The following ENTPD3 variants were observed in gnomAD, a reference collection of about 807,000 sequenced individuals.
ENTPD3 encodes CD39 antigen-like 3.
Under a neutral mutation model 51.2 loss-of-function variants are expected in ENTPD3, and 60 were observed. The ratio of observed to expected loss-of-function variants is 1.17; its 90% confidence interval spans 0.95 to 1.45. The LOEUF (loss-of-function observed/expected upper bound fraction) is 1.45. ENTPD3 is among the 40% of genes most tolerant of loss of function. The pLI, the probability that ENTPD3 is intolerant of heterozygous loss-of-function variation, is 0.00. For missense variants in ENTPD3, 593 were observed against 641.1 expected (o/e 0.93, Z 0.81); for synonymous variants, 221 against 238.4 (o/e 0.93, Z 0.67).
At position 40,391,747 on chromosome 3, in the gene ENTPD3, C is replaced by A; in HGVS notation, c.41-276C>A. Reference sequence around the variant, plus strand: ...TATTGTAATTCATCTCAGGGATAACCAAAATATCAGAAAACTAGACCATGC... The same window carrying A: ...TATTGTAATTCATCTCAGGGATAACAAAAATATCAGAAAACTAGACCATGC... On this transcript the variant is annotated intron_variant, in intron 2 of 10. Coordinates refer to ENST00000301825, the MANE Select transcript of ENTPD3 (RefSeq NM_001248.4). 4 of 457,604 alleles carry A rather than the reference C, an allele frequency of 8.7e-6. No individual in the cohort carries two copies. In the South Asian group the frequency reaches 1.2e-4, roughly 13 times the overall value. 28.3% of individuals were successfully genotyped at this position (457,604 alleles called of 1,614,324 possible).
chr3:40,405,714 A>G (rs1955477457), intron 4 of ENTPD3, among the ~76,000 whole-genome samples: 1 of 152,176 alleles, frequency 6.6e-6, no homozygotes, highest in East Asian at 1.9e-4. Flanking sequence ...TTTTCCCTCT[A>G]GAAGGCTTAA....
At chr3:40,424,005 G>C (rs766100028) in intron 10 of ENTPD3, 42 bp downstream of exon 10, 15 of 1,613,342 alleles carry the variant, frequency 9.3e-6, no homozygotes, top group Non-Finnish European at 1.3e-5. Context: ...CTTCCCAACA[G>C]AGAGGTTTGT....
At chr3:40,392,659 A>T (rs1181500403) in intron 3 of ENTPD3, 1 of 153,246 alleles carries the variant, frequency 6.5e-6, no homozygotes, top group Non-Finnish European at 1.5e-5. Flanking sequence ...AACCCTGATA[A>T]TGAGTAAAGA....
chr3:40,400,935 C>T lies in ENTPD3; in HGVS notation c.210C>T (p.Val70=). The T allele has an allele frequency of 6.2e-7, 1 of 1,613,768 alleles. No individual in the cohort carries two copies. The change falls in exon 4 of 11, where the codon GTC becomes GTT. Residue 70 remains valine (V), a synonymous_variant. Coordinates refer to ENST00000301825, the MANE Select transcript of ENTPD3 (RefSeq NM_001248.4). ...VLDAGSSRTT[V]YVYQWPAEKE... ...ATGCCGGGTCTTCAAGAACCACAGT[C>T]TACGTGTATCAATGGCCAGCAGAAA...
At chr3:40,404,900 C>T (rs1471558849) in intron 4 of ENTPD3, among the ~76,000 whole-genome samples, 1 of 152,184 alleles carries the variant, frequency 6.6e-6, no homozygotes, top group Admixed American at 6.5e-5. Flanking sequence ...TGGTTGGTAT[C>T]AACCCCCAGT....
chr3:40,422,923 A>G lies in ENTPD3; in HGVS notation c.905A>G (p.His302Arg), dbSNP rs113928262. The change falls in exon 8 of 11, where the codon CAT becomes CGT. Residue 302 changes from histidine (H) to arginine (R), a missense_variant. His to Arg is a conservative substitution (Grantham distance 29). Coordinates refer to ENST00000301825, the MANE Select transcript of ENTPD3 (RefSeq NM_001248.4). The stretch of plus-strand genomic sequence containing the variant: ...TATAGCATCAGCTTCACCATGGGCC[A>G]TGTATTTGATAGCCTGTGCACTGTG... ...RDYSISFTMGHVFDSLCTVDQ... is the reference protein window; with the variant it reads ...RDYSISFTMGRVFDSLCTVDQ... 2.5e-6 allele frequency: 4 copies of G among 1,614,072 alleles called. No homozygotes were observed. The highest frequency in any genetic ancestry group is 2.5e-6 in the Non-Finnish European group (3 of 1,179,994).
At chr3:40,391,876 A>G (rs1440848500) in intron 2 of ENTPD3, 147 bp from the exon 3 acceptor site, 2 of 862,576 alleles carry the variant, frequency 2.3e-6, no homozygotes, top group African/African-American at 3.4e-5. Context: ...CTTATTTGCT[A>G]CTCCATCTTA....
chr3:40,427,387 C>A lies in ENTPD3; in HGVS notation c.1469C>A (p.Thr490Asn). The A allele has an allele frequency of 6.2e-7, 1 of 1,613,968 alleles. No individual in the cohort carries two copies. The highest frequency in any genetic ancestry group is 8.5e-7 in the Non-Finnish European group (1 of 1,180,014). ...LPIEPPVFVG[T>N]LAFFTAAALL... The stretch of plus-strand genomic sequence containing the variant: ...ATAGAACCACCTGTCTTTGTGGGCA[C>A]CCTCGCTTTCTTCACAGCGGCAGCC... The change falls in exon 11 of 11, where the codon ACC becomes AAC. Residue 490 changes from threonine (T) to asparagine (N), a missense_variant. Thr to Asn is a moderately conservative substitution (Grantham distance 65). Coordinates refer to ENST00000301825, the MANE Select transcript of ENTPD3 (RefSeq NM_001248.4).
At chr3:40,413,161 T>C (rs1228852150) in intron 5 of ENTPD3, among the ~76,000 whole-genome samples, 1 of 152,238 alleles carries the variant, frequency 6.6e-6, no homozygotes, top group Non-Finnish European at 1.5e-5. Context: ...AAAAGCCAGC[T>C]GCAGGATGTG....
chr3:40,423,742 C>T, intron 9 of ENTPD3, 84 bp from the exon 10 acceptor site: 1 of 1,479,488 alleles, frequency 6.8e-7, no homozygotes, highest in South Asian at 1.2e-5. Flanking sequence ...TGATAAGATT[C>T]TTTAAAACAT....
chr3:40,397,119 C>CTTTTTTTCTTT (rs1955222350), intron 3 of ENTPD3, among the ~76,000 whole-genome samples: 1 of 101,244 alleles, frequency 9.9e-6, no homozygotes, highest in Non-Finnish European at 1.8e-5. Flanking sequence ...TAATTAGTTT[C>CTTTTTTTCTTT]TTTTTTTTTT....
At chr3:40,424,212 A>T (rs1234990373) in intron 10 of ENTPD3, 2 of 970,880 alleles carry the variant, frequency 2.1e-6, no homozygotes, top group African/African-American at 1.8e-5. Flanking sequence ...CCTGGAGGGC[A>T]GAGACCTGTC....
At position 40,428,596 on chromosome 3, in the gene ENTPD3, T is replaced by C. The variant is rs952870521; in HGVS notation, c.*1088T>C. 1 of 152,216 alleles carries C rather than the reference T, an allele frequency of 6.6e-6. No individual in the cohort carries two copies. The highest frequency in any genetic ancestry group is 2.1e-4 in the South Asian group (1 of 4,830). 9.4% of individuals were successfully genotyped at this position (152,216 alleles called of 1,614,324 possible). ...TGCTGTTTCTTAGCTGAATATGGAA[T>C]AAAGAACTATTATTTTATTTTGACT... On this transcript the variant is annotated 3_prime_UTR_variant, in exon 11 of 11. Coordinates refer to ENST00000301825, the MANE Select transcript of ENTPD3 (RefSeq NM_001248.4).
intron 4 of ENTPD3, among the ~76,000 whole-genome samples, chr3:40,402,251 C>T (rs757146303): frequency 4.0e-5 from 6 of 150,376 alleles, no homozygotes; most frequent in Non-Finnish European, 7.4e-5. Context: ...CCCAAGTAGC[C>T]GGGATTACAG....
At chr3:40,398,977 T>C (rs1296954496) in intron 3 of ENTPD3, among the ~76,000 whole-genome samples, 1 of 152,060 alleles carries the variant, frequency 6.6e-6, no homozygotes, top group East Asian at 1.9e-4. Context: ...CCAGCAGCAT[T>C]TTGGGAGGCG....
intron 3 of ENTPD3, among the ~76,000 whole-genome samples, chr3:40,396,179 T>C (rs973271668): frequency 6.6e-6 from 1 of 152,078 alleles, no homozygotes; most frequent in Non-Finnish European, 1.5e-5. Flanking sequence ...TTCTGCTTAA[T>C]TGGGTGGATT....
At chr3:40,410,210 G>A (rs944535868) in intron 4 of ENTPD3, among the ~76,000 whole-genome samples, 4 of 152,184 alleles carry the variant, frequency 2.6e-5, no homozygotes, top group Non-Finnish European at 5.9e-5. Context: ...GGAGGCTGAA[G>A]CGGGTGGATC....
chr3:40,394,044 G>T (rs1213910820), intron 3 of ENTPD3, among the ~76,000 whole-genome samples: 1 of 56,998 alleles, frequency 1.8e-5, no homozygotes, highest in African/African-American at 7.2e-5. Flanking sequence ...GCGAGACTCT[G>T]TCTCAAAAAA....
chr3:40,423,501 T>C, intron 9 of ENTPD3, 100 bp downstream of exon 9: 5 of 869,538 alleles, frequency 5.8e-6, no homozygotes, highest in Non-Finnish European at 9.0e-6. Context: ...TGCTCTTCTA[T>C]TTCCATCACA....
Sources: gnomAD v4.1 joint callset for allele counts (sites outside exome capture counted in the v4.1 genomes callset) on GRCh38, gnomAD v4.1.1 for gene constraint, MANE v1.5 for transcripts, NCBI Gene and HGNC (gene_info 2026-07-23, HGNC 2026-07-21) for gene names.